SPMIP7: variants seen among roughly 807,000 people sequenced by gnomAD.
SPMIP7 encodes protein SPMIP7.
the SPMIP7 span, among the ~76,000 whole-genome samples, chr7:50,153,165 G>T: frequency 2.6e-5 from 4 of 152,194 alleles, no homozygotes; most frequent in African/African-American, 9.7e-5. Context: ...CTAGTGAAAT[G>T]AAAAAGAAAG....
chr7:50,112,243 G>A, the SPMIP7 span, among the ~76,000 whole-genome samples: 1 of 152,090 alleles, frequency 6.6e-6, no homozygotes. Context: ...TGGTTGAAGT[G>A]GAAGATAAAC....
the SPMIP7 span, among the ~76,000 whole-genome samples, chr7:50,125,392 A>G: frequency 6.8e-6 from 1 of 147,406 alleles, no homozygotes; most frequent in Admixed American, 6.8e-5. Context: ...ACACACATAT[A>G]TATATACATA....
chr7:50,107,362 C>CAAAAAAAAAAAAAAAAAAAAAA, the SPMIP7 span, among the ~76,000 whole-genome samples: 1 of 16,654 alleles, frequency 6.0e-5, no homozygotes, highest in Non-Finnish European at 1.0e-4. Context: ...GACTCTGTCT[C>CAAAAAAAAAAAAAAAAAAAAAA]AAAAAAAAAA....
the SPMIP7 span, among the ~76,000 whole-genome samples, chr7:50,097,985 C>T: frequency 6.6e-6 from 1 of 152,066 alleles, no homozygotes; most frequent in Non-Finnish European, 1.5e-5. Flanking sequence ...AATTTGGGGA[C>T]AGAGTTCAAT....
At chr7:50,111,631 G>T in the SPMIP7 span, among the ~76,000 whole-genome samples, 1 of 152,298 alleles carries the variant, frequency 6.6e-6, no homozygotes, top group East Asian at 1.9e-4. Context: ...TTTACAGCTA[G>T]ATTTTTCAGG....
the SPMIP7 span, among the ~76,000 whole-genome samples, chr7:50,151,122 G>A: frequency 3.3e-5 from 5 of 152,170 alleles, no homozygotes; most frequent in African/African-American, 1.2e-4. Flanking sequence ...TCAAGACCTG[G>A]TATCTTCCTT....
At chr7:50,149,553 G>A in the SPMIP7 span, among the ~76,000 whole-genome samples, 2 of 152,178 alleles carry the variant, frequency 1.3e-5, no homozygotes, top group African/African-American at 2.4e-5. Flanking sequence ...ACAGAAGCCT[G>A]CTTCTCGATG....
At chr7:50,126,511 G>A in the SPMIP7 span, among the ~76,000 whole-genome samples, 19 of 151,486 alleles carry the variant, frequency 1.3e-4, no homozygotes, top group Admixed American at 8.5e-4. Flanking sequence ...AAAAGAGGGA[G>A]TACTTCTCAA....
chr7:50,139,081 G>A, the SPMIP7 span, among the ~76,000 whole-genome samples: 58 of 151,890 alleles, frequency 3.8e-4, no homozygotes, highest in African/African-American at 1.4e-3. Context: ...CCAGGTGTGG[G>A]GGCTCACACC....
At chr7:50,144,397 G>A in the SPMIP7 span, among the ~76,000 whole-genome samples, 2 of 152,270 alleles carry the variant, frequency 1.3e-5, no homozygotes, top group East Asian at 1.9e-4. Flanking sequence ...GATAGGTGGA[G>A]TGTATGTGTG....
At chr7:50,134,046 G>T in the SPMIP7 span, 1 of 1,402,900 alleles carries the variant, frequency 7.1e-7, no homozygotes, top group Non-Finnish European at 9.6e-7. Flanking sequence ...GTATCATATT[G>T]TTATAAACTT....
chr7:50,101,505 G>A, the SPMIP7 span, among the ~76,000 whole-genome samples: 1 of 152,156 alleles, frequency 6.6e-6, no homozygotes, highest in Admixed American at 6.5e-5. Flanking sequence ...TAAGCCATTA[G>A]GTTTTAGAAT....
the SPMIP7 span, among the ~76,000 whole-genome samples, chr7:50,144,773 A>T: frequency 6.6e-6 from 1 of 152,152 alleles, no homozygotes. Flanking sequence ...AATAGAAAGA[A>T]TCCAAAATAG....
At chr7:50,097,261 T>C in the SPMIP7 span, among the ~76,000 whole-genome samples, 19 of 152,198 alleles carry the variant, frequency 1.2e-4, no homozygotes, top group Admixed American at 9.8e-4. Context: ...CTATTTTCTG[T>C]ATAAAAGCTG....
chr7:50,108,709 T>C, the SPMIP7 span, among the ~76,000 whole-genome samples: 1 of 152,152 alleles, frequency 6.6e-6, no homozygotes, highest in South Asian at 2.1e-4. Flanking sequence ...GATATTTTTG[T>C]CAGAAATTAC....
At chr7:50,159,136 C>T in the SPMIP7 span, 2 of 1,551,830 alleles carry the variant, frequency 1.3e-6, no homozygotes, top group Non-Finnish European at 1.7e-6. Context: ...ACAACCCTTT[C>T]AACAAGAAGG....
At chr7:50,113,559 G>C in the SPMIP7 span, among the ~76,000 whole-genome samples, 1 of 152,180 alleles carries the variant, frequency 6.6e-6, no homozygotes, top group Admixed American at 6.5e-5. Flanking sequence ...TAAGTTGGTA[G>C]TTTTAAGAAC....
At chr7:50,143,359 G>A in the SPMIP7 span, among the ~76,000 whole-genome samples, 1 of 151,974 alleles carries the variant, frequency 6.6e-6, no homozygotes, top group Non-Finnish European at 1.5e-5. Context: ...AGAGATGGGG[G>A]TTTCGCCATG....
chr7:50,125,404 A>C, the SPMIP7 span, among the ~76,000 whole-genome samples: 1 of 148,186 alleles, frequency 6.7e-6, no homozygotes, highest in Non-Finnish European at 1.5e-5. Flanking sequence ...ATATACATAT[A>C]TATATAAAGA....
Sources: gnomAD v4.1 joint callset for allele counts (sites outside exome capture counted in the v4.1 genomes callset) on GRCh38, gnomAD v4.1.1 for gene constraint, MANE v1.5 for transcripts, NCBI Gene and HGNC (gene_info 2026-07-23, HGNC 2026-07-21) for gene names.